SOX6: variants seen among roughly 807,000 people sequenced by gnomAD.
SOX6 encodes the protein transcription factor SOX-6.
Under a neutral mutation model 97.8 loss-of-function variants are expected in SOX6, and 11 were observed. That is an observed-to-expected ratio of 0.11 (90% CI 0.07 to 0.19). The LOEUF (loss-of-function observed/expected upper bound fraction) is 0.19, where lower values mean the gene tolerates loss of function less well. Among genes scored for constraint, SOX6 ranks in the 10% least tolerant of loss-of-function variants. SOX6 has a pLI of 1.00. For missense variants in SOX6, 810 were observed against 1,039.5 expected (o/e 0.78, Z 3.04); for synonymous variants, 360 against 371.4 (o/e 0.97, Z 0.35).
At chr11:16,304,725 G>A (rs1855370905) in intron 3 of SOX6, among the ~76,000 whole-genome samples, 1 of 152,070 alleles carries the variant, frequency 6.6e-6, no homozygotes, top group African/African-American at 2.4e-5. Flanking sequence ...TAAGAGGCTG[G>A]TTTTTTGTTT....
At chr11:16,397,872 C>G (rs907924039) in intron 1 of SOX6, among the ~76,000 whole-genome samples, 4 of 151,520 alleles carry the variant, frequency 2.6e-5, no homozygotes, top group African/African-American at 9.7e-5. Flanking sequence ...TGCATACCAG[C>G]CCATGTTTAT....
chr11:16,105,358 A>G (rs893758728), intron 7 of SOX6, among the ~76,000 whole-genome samples: 1 of 152,018 alleles, frequency 6.6e-6, no homozygotes, highest in Non-Finnish European at 1.5e-5. Flanking sequence ...AATTCTCAGA[A>G]AACTAGTAAT....
chr11:16,240,423 A>T (rs1325200414), intron 3 of SOX6, among the ~76,000 whole-genome samples: 1 of 151,994 alleles, frequency 6.6e-6, no homozygotes, highest in Non-Finnish European at 1.5e-5. Flanking sequence ...GTACATACAC[A>T]TACAGACATC....
chr11:16,647,102 A>G (rs764938242), intron 3 of SOX6, among the ~76,000 whole-genome samples: 6 of 151,982 alleles, frequency 3.9e-5, no homozygotes, highest in Admixed American at 6.6e-5. Flanking sequence ...GTAGTATTGC[A>G]TTGTGGTTTT....
At chr11:16,467,655 G>T (rs1860067038) in intron 1 of SOX6, among the ~76,000 whole-genome samples, 1 of 152,146 alleles carries the variant, frequency 6.6e-6, no homozygotes, top group South Asian at 2.1e-4. Flanking sequence ...GGTGGGAGAA[G>T]GAAGAGGATC....
chr11:16,049,739 T>G lies in SOX6; in HGVS notation c.1435+16A>C. On this transcript the variant is annotated intron_variant, in intron 11 of 15. Coordinates refer to ENST00000683767, the MANE Select transcript of SOX6 (RefSeq NM_001367873.1). ...TAATTCGTAAGTCTCTTCCTGGTGTTGACTTTTCCATTTACCTAAAGAGGA... is the reference window on the plus strand; with the variant it reads ...TAATTCGTAAGTCTCTTCCTGGTGTGGACTTTTCCATTTACCTAAAGAGGA... 1 of 1,613,110 alleles carries G rather than the reference T, an allele frequency of 6.2e-7. No individual in the cohort carries two copies. The highest frequency in any genetic ancestry group is 8.5e-7 in the Non-Finnish European group (1 of 1,179,734).
chr11:16,359,706 C>A (rs1031895591), upstream of SOX6, among the ~76,000 whole-genome samples: 4 of 151,864 alleles, frequency 2.6e-5, no homozygotes, highest in South Asian at 2.1e-4. Context: ...GTAGATGAAG[C>A]GAGTAGGGAA....
intron 4 of SOX6, among the ~76,000 whole-genome samples, chr11:16,196,826 TC>T (rs1851790617): frequency 2.2e-4 from 28 of 127,774 alleles, no homozygotes; most frequent in African/African-American, 8.0e-4. Flanking sequence ...TTCTTCTTCT[TC>T]TTCTTTTTTT....
At chr11:16,311,613 A>C (rs1413940013) in intron 3 of SOX6, 3 of 152,152 alleles carry the variant, frequency 2.0e-5, no homozygotes, top group African/African-American at 7.2e-5. Context: ...AAGCAGAGAG[A>C]TCAAGTAACA....
chr11:16,433,908 C>T (rs1014113806), intron 1 of SOX6, among the ~76,000 whole-genome samples: 18 of 152,010 alleles, frequency 1.2e-4, no homozygotes, highest in African/African-American at 3.9e-4. Flanking sequence ...TTTAACAGCT[C>T]TCAATCATCT....
upstream of SOX6, among the ~76,000 whole-genome samples, chr11:16,481,123 A>G (rs149613310): frequency 6.0e-3 from 909 of 152,282 alleles, 2 homozygotes; most frequent in Non-Finnish European, 9.6e-3. Flanking sequence ...AAAAATTTCA[A>G]TTCTTCACTG....
intron 3 of SOX6, among the ~76,000 whole-genome samples, chr11:16,680,307 CA>C (rs1228442855): frequency 2.6e-5 from 4 of 152,194 alleles, no homozygotes; most frequent in African/African-American, 9.7e-5. Context: ...CAATATTCAA[CA>C]TTCTTAAAGA....
chr11:16,518,725 C>T (rs1270871148), intron 4 of SOX6, among the ~76,000 whole-genome samples: 1 of 152,148 alleles, frequency 6.6e-6, no homozygotes, highest in Non-Finnish European at 1.5e-5. Flanking sequence ...CTGTGTGCCA[C>T]ATCATATTTT....
At chr11:16,265,834 C>T (rs1854068937) in intron 3 of SOX6, among the ~76,000 whole-genome samples, 2 of 151,400 alleles carry the variant, frequency 1.3e-5, no homozygotes, top group South Asian at 4.2e-4. Context: ...ATCAAATGTC[C>T]AATTAAATAT....
intron 7 of SOX6, among the ~76,000 whole-genome samples, chr11:16,100,496 C>T (rs989022648): frequency 2.0e-4 from 30 of 151,696 alleles, no homozygotes; most frequent in Non-Finnish European, 5.9e-5. Flanking sequence ...GGATTTAAAA[C>T]TTATGGAAAA....
intron 1 of SOX6, among the ~76,000 whole-genome samples, chr11:16,450,788 A>C (rs1270011571): frequency 6.6e-6 from 1 of 152,218 alleles, no homozygotes; most frequent in East Asian, 1.9e-4. Flanking sequence ...TCAATTGGCT[A>C]AGAAAACCCA....
intron 4 of SOX6, among the ~76,000 whole-genome samples, chr11:16,547,089 TATTACTAAAAAGACAAAAA>T (rs1337840096): frequency 7.9e-5 from 12 of 152,074 alleles, no homozygotes; most frequent in African/African-American, 2.7e-4. Context: ...TTAGAATGGC[TATTACTAAAAAGACAAAAA>T]ATAACAGATG....
intron 3 of SOX6, among the ~76,000 whole-genome samples, chr11:16,291,871 AT>A (rs773799521): frequency 1.6e-4 from 25 of 152,150 alleles, no homozygotes; most frequent in Middle Eastern, 3.4e-3. Flanking sequence ...AAATGGAAGG[AT>A]TAACAATGGA....
chr11:16,674,666 C>G (rs1395044767), intron 3 of SOX6, among the ~76,000 whole-genome samples: 2 of 150,906 alleles, frequency 1.3e-5, no homozygotes, highest in African/African-American at 4.9e-5. Flanking sequence ...CCAGGGCAGC[C>G]AAGGCTGGGC....
Sources: gnomAD v4.1 joint callset for allele counts (sites outside exome capture counted in the v4.1 genomes callset) on GRCh38, gnomAD v4.1.1 for gene constraint, MANE v1.5 for transcripts, NCBI Gene and HGNC (gene_info 2026-07-23, HGNC 2026-07-21) for gene names.